The following SLC25A12 variants were observed in gnomAD, a reference collection of about 807,000 sequenced individuals.
SLC25A12 encodes electrogenic aspartate/glutamate antiporter SLC25A12, mitochondrial.
SLC25A12 carries 32 observed loss-of-function variants against 83.3 expected under a neutral mutation model. That is an observed-to-expected ratio of 0.38 (90% confidence interval 0.29 to 0.52). The LOEUF (loss-of-function observed/expected upper bound fraction) is 0.52, where lower values mean the gene tolerates loss of function less well. SLC25A12 is among the 20% of genes least tolerant of loss of function. The pLI is 0.84. For synonymous variants in SLC25A12, 267 were observed against 291.1 expected (o/e 0.92, Z 0.84); for missense variants, 611 against 835.6 (o/e 0.73, Z 3.31).
intron 2 of SLC25A12, among the ~76,000 whole-genome samples, chr2:171,885,004 G>A (rs1295290331): frequency 1.3e-5 from 2 of 152,032 alleles, no homozygotes; most frequent in Non-Finnish European, 2.9e-5. Context: ...ACAAAGTCAG[G>A]AGACTGAGAC....
At chr2:171,836,881 T>A (rs1328213544) in intron 6 of SLC25A12, among the ~76,000 whole-genome samples, 1 of 142,272 alleles carries the variant, frequency 7.0e-6, no homozygotes, top group Non-Finnish European at 1.6e-5. Context: ...AAAACTATGA[T>A]CCGGGAAAAG....
chr2:171,826,918 T>C lies in SLC25A12; in HGVS notation c.846-36A>G, dbSNP rs747878322. The C allele has an allele frequency of 6.3e-6, 7 of 1,110,292 alleles. No individual in the cohort carries two copies. In the African/African-American group the frequency reaches 9.2e-5, roughly 15 times the overall value. 68.8% of individuals were successfully genotyped at this position (1,110,292 alleles called of 1,614,324 possible). On this transcript the variant is annotated intron_variant, in intron 8 of 17. Coordinates refer to ENST00000422440, the MANE Select transcript of SLC25A12 (RefSeq NM_003705.5). ...AATATAGGAAAGAATTGTTAGACAC[T>C]GACAAACTCCTCACGCCAAAATCAT... is the stretch of plus-strand genomic sequence containing the variant.
rs113486658 is a variant in SLC25A12, at chr2:171,785,388, G to A, written c.1923C>T (p.Leu641=). The A allele has an allele frequency of 5.0e-6, 8 of 1,614,196 alleles. No homozygotes were observed. Among genetic ancestry groups the A allele is most frequent in the South Asian group, 1.1e-5 (1 of 91,086 alleles). The part of the protein sequence containing the change: ...ANPDHIGGYR[L]ATATFAGIEN... ...CGATGCCTGCAAACGTGGCTGTGGCGAGTCTGTATCCACCGATGTGATCAG... is the reference window on the plus strand; with the variant it reads ...CGATGCCTGCAAACGTGGCTGTGGCAAGTCTGTATCCACCGATGTGATCAG... Residue 641 remains leucine, a synonymous_variant, in exon 18 of 18, where the codon CTC becomes CTT. Transcript: ENST00000422440.
chr2:171,811,213 A>G (rs1028331370), intron 11 of SLC25A12, among the ~76,000 whole-genome samples: 25 of 152,184 alleles, frequency 1.6e-4, no homozygotes, highest in African/African-American at 6.0e-4. Flanking sequence ...GCCTGCTTTG[A>G]GGATACTGCT....
intron 2 of SLC25A12, among the ~76,000 whole-genome samples, chr2:171,877,557 C>T (rs909122144): frequency 1.3e-4 from 19 of 151,360 alleles, no homozygotes; most frequent in African/African-American, 3.9e-4. Flanking sequence ...CCCAGCTACT[C>T]GAGAGGCGGA....
At chr2:171,805,442 G>A (rs1374877593) in intron 13 of SLC25A12, among the ~76,000 whole-genome samples, 3 of 152,114 alleles carry the variant, frequency 2.0e-5, no homozygotes, top group Non-Finnish European at 4.4e-5. Flanking sequence ...TTGCATGAAA[G>A]ATATCAGGTA....
chr2:171,815,150 T>C lies in SLC25A12; in HGVS notation c.983A>G (p.Tyr328Cys), dbSNP rs775483245. Residue 328 changes from tyrosine (Y) to cysteine (C), a missense_variant, in exon 10 of 18, where the codon TAC becomes TGC. Physicochemically the swap from Tyr to Cys is radical, Grantham distance 194. Transcript: ENST00000422440. The stretch of plus-strand genomic sequence containing the variant: ...AGCAACTGAGCCCAGAGTGAATCTG[T>C]AAGCAGACTCGGCAATCTGGAGCCA... ...PIWLQIAESAYRFTLGSVAGA... is the reference protein window; with the variant it reads ...PIWLQIAESACRFTLGSVAGA... 1.9e-6 allele frequency: 3 copies of C among 1,613,800 alleles called. No homozygotes were observed. The highest frequency in any genetic ancestry group is 2.5e-6 in the Non-Finnish European group (3 of 1,179,826).
intron 2 of SLC25A12, among the ~76,000 whole-genome samples, chr2:171,886,539 T>G (rs1468563884): frequency 6.6e-6 from 1 of 151,638 alleles, no homozygotes; most frequent in Non-Finnish European, 1.5e-5. Flanking sequence ...AGACAGAGTT[T>G]CGCTCTGTCG....
chr2:171,876,299 T>C (rs1365606231), intron 2 of SLC25A12, among the ~76,000 whole-genome samples: 4 of 152,170 alleles, frequency 2.6e-5, no homozygotes, highest in Non-Finnish European at 5.9e-5. Flanking sequence ...AAGTCAGTAC[T>C]TGACTTCTAC....
intron 2 of SLC25A12, among the ~76,000 whole-genome samples, chr2:171,876,542 T>TGGGGG (rs1558941901): frequency 1.6e-4 from 4 of 24,942 alleles, no homozygotes; most frequent in Non-Finnish European, 5.6e-4. Flanking sequence ...TTTTTTTTTT[T>TGGGGG]TGGGGGGGGG....
intron 2 of SLC25A12, among the ~76,000 whole-genome samples, chr2:171,891,474 T>G (rs1021324968): frequency 8.5e-5 from 13 of 152,162 alleles, no homozygotes; most frequent in Admixed American, 2.6e-4. Context: ...TTCCTTTATG[T>G]CCCACTGAGT....
chr2:171,855,155 C>T lies in SLC25A12; in HGVS notation c.325+679G>A, dbSNP rs79594668. Among the ~76,000 whole-genome samples the T allele has an allele frequency of 4.4e-4, 67 of 152,098 alleles. 1 individual carries two copies. The East Asian group carries it at 7.7e-3, about 17-fold the overall frequency. On this transcript the variant is annotated intron_variant, in intron 4 of 17. Coordinates refer to ENST00000422440, the MANE Select transcript of SLC25A12 (RefSeq NM_003705.5). ...AAAAATTGTTGCAAGAAAAATTAGC[C>T]AATACTTTTACTAAACATATACTAA...
chr2:171,791,724 C>T, intron 14 of SLC25A12, 135 bp from the exon 15 acceptor site: 1 of 805,996 alleles, frequency 1.2e-6, no homozygotes, highest in East Asian at 2.6e-5. Context: ...CCTTAAACAG[C>T]ATTAGAACTG....
chr2:171,866,394 T>C (rs1188529871), intron 3 of SLC25A12, among the ~76,000 whole-genome samples: 2 of 142,872 alleles, frequency 1.4e-5, no homozygotes, highest in African/African-American at 5.2e-5. Context: ...GCTCCTCACT[T>C]CCCAGTAGGG....
At chr2:171,824,399 A>G (rs1011482313) in intron 9 of SLC25A12, among the ~76,000 whole-genome samples, 2 of 152,248 alleles carry the variant, frequency 1.3e-5, no homozygotes, top group African/African-American at 4.8e-5. Context: ...GTGGGTGAAT[A>G]GAAAAGTAAG....
At chr2:171,813,309 A>G in intron 11 of SLC25A12, 30 bp downstream of exon 11, 1 of 1,612,742 alleles carries the variant, frequency 6.2e-7, no homozygotes, top group African/African-American at 1.3e-5. Flanking sequence ...TCAAATCACT[A>G]ACTTCAGCAG....
At chr2:171,863,410 T>C (rs1339073903) in intron 3 of SLC25A12, among the ~76,000 whole-genome samples, 1 of 151,476 alleles carries the variant, frequency 6.6e-6, no homozygotes, top group African/African-American at 2.4e-5. Context: ...CCTATAATCC[T>C]AGCTACTTGG....
intron 2 of SLC25A12, among the ~76,000 whole-genome samples, chr2:171,890,882 T>C (rs1685920093): frequency 6.6e-6 from 1 of 152,226 alleles, no homozygotes; most frequent in South Asian, 2.1e-4. Flanking sequence ...CAATGTTTCA[T>C]ACTTAGTGCT....
At chr2:171,891,285 C>A (rs1377169570) in intron 2 of SLC25A12, among the ~76,000 whole-genome samples, 3 of 150,908 alleles carry the variant, frequency 2.0e-5, no homozygotes, top group African/African-American at 7.3e-5. Context: ...GGCGACAGAG[C>A]GAGACTCCAT....
Sources: allele counts gnomAD v4.1 joint callset (sites outside exome capture counted in the v4.1 genomes callset), GRCh38; gene constraint gnomAD v4.1.1; transcripts MANE v1.5; gene names NCBI Gene and HGNC (gene_info 2026-07-23, HGNC 2026-07-21).